Variants in MLIP observed in about 807,000 individuals in gnomAD.
MLIP encodes the protein muscular LMNA interacting protein, also known as muscular LMNA-interacting protein.
Under a neutral mutation model 84.8 loss-of-function variants are expected in MLIP, and 79 were observed. The ratio of observed to expected loss-of-function variants is 0.93; its 90% CI spans 0.78 to 1.12. MLIP has a LOEUF of 1.12. Ranked by LOEUF, MLIP falls within the 50% of genes most tolerant of loss-of-function variation. The probability of loss-of-function intolerance (pLI) is 0.00; values close to 1 mark genes in which losing one functional copy is unlikely to be tolerated. For synonymous variants in MLIP, 504 were observed against 463.0 expected, an observed-to-expected ratio of 1.09 and a Z score of -1.14; for missense variants, 1,257 against 1,160.6, an observed-to-expected ratio of 1.08 and a Z score of -1.21.
chr6:54,055,486 C>A (rs966173210), intron 1 of MLIP, among the ~76,000 whole-genome samples: 1 of 152,006 alleles, frequency 6.6e-6, no homozygotes, highest in Non-Finnish European at 1.5e-5. Context: ...TCTTATTGGG[C>A]ACATAGTTAA....
chr6:54,249,158 T>G (rs1013556162), intron 12 of MLIP, among the ~76,000 whole-genome samples: 1 of 151,808 alleles, frequency 6.6e-6, no homozygotes, highest in African/African-American at 2.4e-5. Flanking sequence ...ATCAATAGAT[T>G]TTTTTGCTTA....
At chr6:54,237,128 C>T (rs1376174313) in intron 12 of MLIP, among the ~76,000 whole-genome samples, 1 of 151,628 alleles carries the variant, frequency 6.6e-6, no homozygotes, top group Non-Finnish European at 1.5e-5. Flanking sequence ...CCAGGAAATG[C>T]CTGTTAGGGG....
At chr6:54,176,063 TC>T (rs1776254050) in intron 9 of MLIP, among the ~76,000 whole-genome samples, 1 of 152,068 alleles carries the variant, frequency 6.6e-6, no homozygotes, top group Non-Finnish European at 1.5e-5. Flanking sequence ...CATCATTGCA[TC>T]CCTGGGATAA....
At chr6:54,029,589 T>G (rs1581987249) in intron 1 of MLIP, 1 of 152,142 alleles carries the variant, frequency 6.6e-6, no homozygotes. Context: ...GCGGCAAAAA[T>G]GGACCAAGAC....
intron 12 of MLIP, among the ~76,000 whole-genome samples, chr6:54,234,026 C>T (rs981149883): frequency 2.0e-5 from 3 of 152,040 alleles, no homozygotes; most frequent in African/African-American, 7.2e-5. Context: ...TATCCTTTGC[C>T]CACTTTTTGA....
rs1374553689 is a variant in MLIP at position 54,137,027 on chromosome 6, C to T, written c.958C>T (p.Pro320Ser). 5 of 1,536,106 alleles carry T rather than the reference C, an allele frequency of 3.3e-6. No homozygotes were observed. The highest frequency in any genetic ancestry group is 4.4e-6 in the Non-Finnish European group (5 of 1,146,880). ...LPSSTAADPK[P>S]GLTSEVLKKT... is the part of the protein sequence containing the mutation. Reference sequence around the variant, plus strand: ...CAGTTCAACTGCAGCAGATCCAAAGCCTGGACTGACCTCTGAAGTTCTCAA... The same window carrying T: ...CAGTTCAACTGCAGCAGATCCAAAGTCTGGACTGACCTCTGAAGTTCTCAA... Residue 320 changes from proline to serine, a missense_variant, in exon 4 of 14, where the codon CCT becomes TCT. Coordinates refer to ENST00000502396, the MANE Select transcript of MLIP (RefSeq NM_001281747.2).
intron 1 of MLIP, among the ~76,000 whole-genome samples, chr6:54,116,613 T>C (rs1769944859): frequency 1.3e-5 from 2 of 152,316 alleles, no homozygotes; most frequent in South Asian, 2.1e-4. Context: ...AATATCTCCA[T>C]TGAAGAAAGG....
intron 10 of MLIP, among the ~76,000 whole-genome samples, chr6:54,200,399 G>A (rs1562049548): frequency 6.6e-6 from 1 of 151,722 alleles, no homozygotes; most frequent in Non-Finnish European, 1.5e-5. Flanking sequence ...CCCGAGTCCT[G>A]GAGTTGCATT....
At chr6:54,191,774 C>T (rs1317982474) in intron 10 of MLIP, among the ~76,000 whole-genome samples, 2 of 151,938 alleles carry the variant, frequency 1.3e-5, no homozygotes, top group East Asian at 1.9e-4. Context: ...AATATTACTA[C>T]AATTATTTTA....
At chr6:54,048,732 A>T (rs1216623296) in intron 1 of MLIP, among the ~76,000 whole-genome samples, 1 of 152,132 alleles carries the variant, frequency 6.6e-6, no homozygotes, top group African/African-American at 2.4e-5. Flanking sequence ...TGACATTATT[A>T]TGTTTGAAGT....
intron 11 of MLIP, among the ~76,000 whole-genome samples, chr6:54,224,993 G>T (rs1008177836): frequency 6.6e-6 from 1 of 152,148 alleles, no homozygotes; most frequent in Non-Finnish European, 1.5e-5. Flanking sequence ...GTCATTGATT[G>T]ATGGGCATTT....
At chr6:54,071,926 A>G (rs757088976) in intron 1 of MLIP, among the ~76,000 whole-genome samples, 2 of 152,140 alleles carry the variant, frequency 1.3e-5, no homozygotes, top group Admixed American at 6.5e-5. Flanking sequence ...AATCATGTAG[A>G]CCCTATTACA....
intron 1 of MLIP, among the ~76,000 whole-genome samples, chr6:54,050,855 C>T (rs1297358283): frequency 1.3e-5 from 2 of 152,080 alleles, no homozygotes; most frequent in Non-Finnish European, 2.9e-5. Context: ...TATTCTTCAC[C>T]TAACACTAAC....
intron 1 of MLIP, among the ~76,000 whole-genome samples, chr6:54,019,353 T>A (rs1036852398): frequency 6.6e-6 from 1 of 152,204 alleles, no homozygotes; most frequent in African/African-American, 2.4e-5. Flanking sequence ...TGGAATCCAT[T>A]TATTTTGACC....
intron 9 of MLIP, among the ~76,000 whole-genome samples, chr6:54,185,796 A>G (rs796839290): frequency 3.3e-5 from 5 of 152,360 alleles, no homozygotes; most frequent in African/African-American, 1.2e-4. Flanking sequence ...GTTAAATGGT[A>G]TAAAACCTAA....
upstream of MLIP, among the ~76,000 whole-genome samples, chr6:54,109,498 G>T (rs898741343): frequency 1.3e-5 from 2 of 152,044 alleles, no homozygotes; most frequent in Non-Finnish European, 2.9e-5. Flanking sequence ...GTGGCTCCAG[G>T]GTCCTGTGCT....
intron 1 of MLIP, among the ~76,000 whole-genome samples, chr6:54,022,621 T>G (rs1242057008): frequency 6.6e-6 from 1 of 152,062 alleles, no homozygotes; most frequent in African/African-American, 2.4e-5. Context: ...AGACTATAAG[T>G]GCATCAACAA....
At chr6:54,196,950 G>T (rs183056999) in intron 10 of MLIP, among the ~76,000 whole-genome samples, 1 of 152,030 alleles carries the variant, frequency 6.6e-6, no homozygotes, top group African/African-American at 2.4e-5. Flanking sequence ...ATGTTTAAAC[G>T]GACATTTGAA....
chr6:54,165,455 C>A (rs1386274196), intron 8 of MLIP, among the ~76,000 whole-genome samples: 1 of 151,944 alleles, frequency 6.6e-6, no homozygotes, highest in Non-Finnish European at 1.5e-5. Flanking sequence ...TTGTCTTCAT[C>A]GTTACCTCTT....
Sources: allele counts gnomAD v4.1 joint callset (sites outside exome capture counted in the v4.1 genomes callset), GRCh38; gene constraint gnomAD v4.1.1; transcripts MANE v1.5; gene names NCBI Gene and HGNC (gene_info 2026-07-23, HGNC 2026-07-21).